RABGEF1: variants seen among roughly 807,000 people sequenced by gnomAD.
RABGEF1 encodes the protein RAB guanine nucleotide exchange factor 1.
Under a neutral mutation model 57.3 loss-of-function variants are expected in RABGEF1, and 26 were observed. The ratio of observed to expected loss-of-function variants is 0.45; its 90% CI spans 0.33 to 0.63. The LOEUF is 0.63. Among genes scored for constraint, RABGEF1 ranks in the 20% least tolerant of loss-of-function variants. RABGEF1 has a pLI of 0.02. For missense variants in RABGEF1, 464 were observed against 607.6 expected (o/e 0.76, Z 2.48); for synonymous variants, 185 against 210.7 (o/e 0.88, Z 1.06).
intron 2 of RABGEF1, among the ~76,000 whole-genome samples, chr7:66,724,453 A>G (rs1477211716): frequency 6.6e-6 from 1 of 151,578 alleles, no homozygotes; most frequent in East Asian, 1.9e-4. Flanking sequence ...ACCGCTTCCC[A>G]GGTTCAAGCA....
chr7:66,737,073 T>TGAGA (rs1279802653), upstream of RABGEF1, among the ~76,000 whole-genome samples: 18 of 117,114 alleles, frequency 1.5e-4, no homozygotes, highest in Admixed American at 2.7e-4. Context: ...AGAGAGAGAG[T>TGAGA]GAGAGAGAGA....
intron 1 of RABGEF1, among the ~76,000 whole-genome samples, chr7:66,752,153 G>A (rs185864446): frequency 6.0e-4 from 91 of 152,116 alleles, no homozygotes; most frequent in Non-Finnish European, 1.1e-3. Context: ...AGCCATGATT[G>A]TGCCACTGCA....
In RABGEF1 at chr7:66,809,075, C is replaced by T. The variant is rs1789106007; in HGVS notation, c.1267C>T (p.Arg423Ter). The T allele has an allele frequency of 6.2e-6, 10 of 1,613,884 alleles. No individual in the cohort carries two copies. The highest frequency in any genetic ancestry group is 3.3e-5 in the South Asian group (3 of 91,068). The part of the protein sequence containing the change: ...NLDLLSQLNE[R>*]QERIMNEAKK... ...GGATCTCTTGTCTCAGTTGAATGAA[C>T]GACAAGAAAGGATCATGAATGAAGC... Residue 423 changes from arginine to a stop codon, truncating the protein, a stop_gained, in exon 9 of 9, where the codon CGA becomes TGA. Transcript: ENST00000284957. LOFTEE classifies it high-confidence loss of function.
At chr7:66,729,974 C>G (rs759023387) in intron 2 of RABGEF1, among the ~76,000 whole-genome samples, 1 of 152,224 alleles carries the variant, frequency 6.6e-6, no homozygotes, top group Non-Finnish European at 1.5e-5. Flanking sequence ...AGCCTTGTCC[C>G]CCTTACTTCA....
In RABGEF1 at chr7:66,810,809, C is replaced by G. The variant is rs1018132654; in HGVS notation, c.*1525C>G. On this transcript the variant is annotated 3_prime_UTR_variant, in exon 9 of 9. Coordinates refer to ENST00000284957, the MANE Select transcript of RABGEF1 (RefSeq NM_014504.3). ...TTCCAGTATCTTCCTAAGGATGGAG[C>G]CCAAAATTGCAGAGCAGTAACTTTG... 1 of 152,180 alleles carries G rather than the reference C, an allele frequency of 6.6e-6. No homozygotes were observed. Among genetic ancestry groups the G allele is most frequent in the Non-Finnish European group, 1.5e-5 (1 of 68,030 alleles). The allele number at this position is 152,180 out of a possible 1,614,324, so 9.4% of individuals were successfully genotyped here.
intron 1 of RABGEF1, among the ~76,000 whole-genome samples, chr7:66,687,283 C>T (rs892204255): frequency 4.0e-5 from 6 of 151,618 alleles, no homozygotes; most frequent in Non-Finnish European, 7.4e-5. Flanking sequence ...CACCACCATG[C>T]CTTGCTAAGT....
At chr7:66,695,325 C>T (rs1216685652) in intron 1 of RABGEF1, among the ~76,000 whole-genome samples, 1 of 151,720 alleles carries the variant, frequency 6.6e-6, no homozygotes, top group African/African-American at 2.4e-5. Context: ...AAAAAAAGGA[C>T]CTCGAGAAAG....
chr7:66,706,778 G>GC (rs1794155410), intron 1 of RABGEF1, among the ~76,000 whole-genome samples: 1 of 120,696 alleles, frequency 8.3e-6, no homozygotes, highest in Non-Finnish European at 1.7e-5. Flanking sequence ...TGACATACTG[G>GC]TTTTTTTTTT....
the RABGEF1 span, among the ~76,000 whole-genome samples, chr7:66,657,070 C>G: frequency 6.6e-6 from 1 of 152,204 alleles, no homozygotes; most frequent in Non-Finnish European, 1.5e-5. Flanking sequence ...GGAGACCTCA[C>G]TACCTCAATG....
In RABGEF1 at chr7:66,810,804, T is replaced by C. The variant is rs1355766089; in HGVS notation, c.*1520T>C. On this transcript the variant is annotated 3_prime_UTR_variant, in exon 9 of 9. Transcript: ENST00000284957. Reference sequence around the variant, plus strand: ...TGCTTTTCCAGTATCTTCCTAAGGATGGAGCCCAAAATTGCAGAGCAGTAA... The same window carrying C: ...TGCTTTTCCAGTATCTTCCTAAGGACGGAGCCCAAAATTGCAGAGCAGTAA... The C allele has an allele frequency of 6.6e-6, 1 of 152,232 alleles. No homozygotes were observed. Among genetic ancestry groups the C allele is most frequent in the Non-Finnish European group, 1.5e-5 (1 of 68,046 alleles). The allele number at this position is 152,232 out of a possible 1,614,324, so 9.4% of individuals were successfully genotyped here. A position where few individuals can be genotyped will look rare whatever the true frequency, so the allele number is the denominator to read the frequency against.
chr7:66,654,946 C>T, the RABGEF1 span, among the ~76,000 whole-genome samples: 1 of 152,252 alleles, frequency 6.6e-6, no homozygotes, highest in Non-Finnish European at 1.5e-5. Flanking sequence ...CGGCCGCCTC[C>T]CTCTTCGGCG....
intron 2 of RABGEF1, among the ~76,000 whole-genome samples, chr7:66,732,139 C>T (rs1797390759): frequency 6.6e-6 from 1 of 152,222 alleles, no homozygotes; most frequent in African/African-American, 2.4e-5. Context: ...ACCAGGCCAC[C>T]GCCCTCTCTT....
At chr7:66,737,441 G>C (rs1798126508), upstream of RABGEF1, among the ~76,000 whole-genome samples, 1 of 147,842 alleles carries the variant, frequency 6.8e-6, no homozygotes, top group Non-Finnish European at 1.5e-5. Context: ...ACGAGACTGG[G>C]TAGGGGGGGG....
chr7:66,790,449 T>C (rs1584151371), intron 4 of RABGEF1, among the ~76,000 whole-genome samples: 1 of 152,192 alleles, frequency 6.6e-6, no homozygotes, highest in African/African-American at 2.4e-5. Flanking sequence ...ATCACACTTA[T>C]GAACTACAGG....
intron 1 of RABGEF1, among the ~76,000 whole-genome samples, chr7:66,744,643 G>T (rs1346393662): frequency 6.7e-6 from 1 of 149,100 alleles, no homozygotes; most frequent in Non-Finnish European, 1.5e-5. Context: ...ACTCCAGCCT[G>T]GGCGACAGAG....
intron 1 of RABGEF1, among the ~76,000 whole-genome samples, chr7:66,764,718 T>G (rs1805274708): frequency 6.6e-6 from 1 of 152,322 alleles, no homozygotes; most frequent in African/African-American, 2.4e-5. Context: ...GAAAAGACTC[T>G]TCTTTTCTCC....
chr7:66,754,282 C>G (rs1482741229), intron 1 of RABGEF1, among the ~76,000 whole-genome samples: 2 of 151,796 alleles, frequency 1.3e-5, no homozygotes, highest in African/African-American at 4.8e-5. Context: ...GATTACAGGC[C>G]TGAGCCACTG....
intron 1 of RABGEF1, among the ~76,000 whole-genome samples, chr7:66,749,889 G>A (rs1485520672): frequency 6.6e-6 from 1 of 152,146 alleles, no homozygotes; most frequent in Non-Finnish European, 1.5e-5. Context: ...CAGGAGAATC[G>A]CTGGAACCTG....
chr7:66,762,068 AAAC>A (rs1406835219), intron 1 of RABGEF1, among the ~76,000 whole-genome samples: 6 of 151,738 alleles, frequency 4.0e-5, no homozygotes, highest in East Asian at 2.0e-4. Flanking sequence ...AAAAACAAAA[AAAC>A]AAAAACAAAA....
Sources: gnomAD v4.1 joint callset for allele counts (sites outside exome capture counted in the v4.1 genomes callset) on GRCh38, gnomAD v4.1.1 for gene constraint, MANE v1.5 for transcripts, NCBI Gene and HGNC (gene_info 2026-07-23, HGNC 2026-07-21) for gene names.